SORL1: variants seen among roughly 807,000 people sequenced by gnomAD.
SORL1 encodes sortilin related receptor 1.
SORL1 carries 127 observed loss-of-function variants against 273.7 expected under a neutral mutation model. The ratio of observed to expected loss-of-function variants is 0.46; its 90% CI spans 0.40 to 0.54. SORL1 has a LOEUF of 0.54. SORL1 is among the 20% of genes least tolerant of loss of function. SORL1 has a pLI of 0.00. For synonymous variants in SORL1, 1,031 were observed against 1,067.4 expected, an observed-to-expected ratio of 0.97 and a Z score of 0.66; for missense variants, 2,494 against 2,846.1, an observed-to-expected ratio of 0.88 and a Z score of 2.81.
intron 22 of SORL1, among the ~76,000 whole-genome samples, chr11:121,568,537 T>G (rs1176360521): frequency 1.3e-5 from 2 of 152,214 alleles, no homozygotes; most frequent in African/African-American, 4.8e-5. Context: ...AATTGCTTGC[T>G]TTAAAGTAGT....
intron 31 of SORL1, among the ~76,000 whole-genome samples, chr11:121,592,605 A>T (rs987174617): frequency 2.6e-5 from 4 of 152,118 alleles, no homozygotes; most frequent in African/African-American, 9.7e-5. Flanking sequence ...TAATTATTTC[A>T]TGCGTGTTGA....
At chr11:121,620,168 C>G (rs914673789) in intron 43 of SORL1, among the ~76,000 whole-genome samples, 1 of 152,246 alleles carries the variant, frequency 6.6e-6, no homozygotes, top group African/African-American at 2.4e-5. Context: ...GCTGATATTT[C>G]CTTCCCTGAC....
At chr11:121,520,397 T>C (rs946176441) in intron 8 of SORL1, among the ~76,000 whole-genome samples, 3 of 152,214 alleles carry the variant, frequency 2.0e-5, no homozygotes, top group Admixed American at 6.5e-5. Context: ...GATAGGCCAA[T>C]TCATAAACAC....
intron 23 of SORL1, among the ~76,000 whole-genome samples, chr11:121,572,535 G>A (rs567993076): frequency 6.6e-6 from 1 of 152,364 alleles, no homozygotes; most frequent in African/African-American, 2.4e-5. Context: ...AGTCAAGAGA[G>A]AGGGGCTTAT....
intron 31 of SORL1, among the ~76,000 whole-genome samples, chr11:121,591,787 TG>T (rs1271116770): frequency 6.6e-6 from 1 of 152,242 alleles, no homozygotes; most frequent in Admixed American, 6.5e-5. Context: ...AATAATTTTT[TG>T]CATGCTTTGC....
rs911037333 is a variant in SORL1, at chr11:121,452,638, C to A, written c.285+22C>A. The stretch of plus-strand genomic sequence containing the variant: ...ACAGGTGAGCAGTTTTGCAACCCGC[C>A]TCCCTCCAGTTTTTTCCTCTCCCTG... On this transcript the variant is annotated intron_variant, in intron 1 of 47. Coordinates refer to ENST00000260197, the MANE Select transcript of SORL1 (RefSeq NM_003105.6). This position sits in a 1 kb window ranked among gnomAD's most constrained non-coding sequence, Gnocchi z 5.3. 14 of 1,437,614 alleles carry A rather than the reference C, an allele frequency of 9.7e-6. No homozygotes were observed. Among genetic ancestry groups the A allele is most frequent in the Middle Eastern group, 1.8e-4 (1 of 5,602 alleles). The allele number at this position is 1,437,614 out of a possible 1,614,324, so 89.1% of individuals were successfully genotyped here. A position where few individuals can be genotyped will look rare whatever the true frequency, so the allele number is the denominator to read the frequency against.
intron 45 of SORL1, among the ~76,000 whole-genome samples, chr11:121,624,422 G>C (rs987437135): frequency 6.6e-6 from 1 of 152,166 alleles, no homozygotes; most frequent in Admixed American, 6.5e-5. Flanking sequence ...CTGTCCCCAG[G>C]ATGGCTTTTT....
Position 121,550,169 on chromosome 11 carries a change from G to A in SORL1, c.2180+81G>A. 9.3e-6 allele frequency: 13 copies of A among 1,400,224 alleles called. No homozygotes were observed. The highest frequency in any genetic ancestry group is 1.3e-5 in the Non-Finnish European group (13 of 1,037,514). 86.7% of individuals were successfully genotyped at this position (1,400,224 alleles called of 1,614,324 possible). A position where few individuals can be genotyped will look rare whatever the true frequency, so the allele number is the denominator to read the frequency against. On this transcript the variant is annotated intron_variant, in intron 15 of 47. Coordinates refer to ENST00000260197, the MANE Select transcript of SORL1 (RefSeq NM_003105.6). The surrounding 1 kb of genome is among the most constrained non-coding windows in gnomAD (Gnocchi z 5.3). ...GAGAGCATAGAGGACCGTCTGGATTGCTCTACACTCGAAATTCTAGAATTC... is the reference window on the plus strand; with the variant it reads ...GAGAGCATAGAGGACCGTCTGGATTACTCTACACTCGAAATTCTAGAATTC...
intron 12 of SORL1, among the ~76,000 whole-genome samples, chr11:121,540,014 G>A (rs1311874359): frequency 6.6e-6 from 1 of 152,264 alleles, no homozygotes; most frequent in Middle Eastern, 3.4e-3. Flanking sequence ...GATTCATTTT[G>A]AACTTATCTT....
rs753405677 is a variant in SORL1, at chr11:121,557,317, G to C, written c.2575G>C (p.Ala859Pro). The C allele has an allele frequency of 1.9e-6, 3 of 1,613,366 alleles. No homozygotes were observed. The change falls in exon 19 of 48, where the codon GCT becomes CCT. Residue 859 changes from alanine (A) to proline (P), a missense_variant. Around this residue, in one of 3 missense-constraint regions of SORL1, gnomAD observed 1,609 missense variants for 1,816.4 expected, o/e 0.89. Coordinates refer to ENST00000260197, the MANE Select transcript of SORL1 (RefSeq NM_003105.6). ...VDAGFKKIEV[A>P]NPDGDFRLTI... ...CTTTTCCCCCTGTTTTTGTCAGGTA[G>C]CTAATCCAGATGGCGACTTCCGACT...
At chr11:121,619,968 G>T in intron 43 of SORL1, 51 bp downstream of exon 43, 1 of 1,477,768 alleles carries the variant, frequency 6.8e-7, no homozygotes, top group Non-Finnish European at 9.4e-7. Context: ...GCCTGGTTAG[G>T]GTGGGGTGGG....
intron 8 of SORL1, among the ~76,000 whole-genome samples, chr11:121,516,677 C>T (rs921837501): frequency 1.3e-5 from 2 of 152,154 alleles, no homozygotes; most frequent in African/African-American, 4.8e-5. Context: ...TGCCATGATA[C>T]ATTTTGATGC....
intron 9 of SORL1, among the ~76,000 whole-genome samples, chr11:121,522,310 G>C (rs1306330444): frequency 6.6e-6 from 1 of 152,206 alleles, no homozygotes; most frequent in Non-Finnish European, 1.5e-5. Flanking sequence ...CCATCTACTT[G>C]AGTTGACACT....
At chr11:121,557,982 G>A (rs1012156135) in intron 19 of SORL1, among the ~76,000 whole-genome samples, 1 of 152,088 alleles carries the variant, frequency 6.6e-6, no homozygotes, top group Non-Finnish European at 1.5e-5. Flanking sequence ...GTATGTACTT[G>A]GTTGACAATA....
At chr11:121,574,407 G>T (rs752991117) in intron 24 of SORL1, 44 bp downstream of exon 24, 2 of 1,591,066 alleles carry the variant, frequency 1.3e-6, no homozygotes, top group Non-Finnish European at 1.7e-6. Context: ...GGAGAGGGGG[G>T]TCATTGTGCT....
intron 4 of SORL1, among the ~76,000 whole-genome samples, chr11:121,489,588 A>G (rs1232734285): frequency 6.6e-6 from 1 of 152,194 alleles, no homozygotes; most frequent in African/African-American, 2.4e-5. Flanking sequence ...ATTCCATTGT[A>G]TGCATAGACC....
intron 14 of SORL1, 28 bp from the exon 15 acceptor site, chr11:121,549,932 C>A (rs375950776): frequency 6.2e-7 from 1 of 1,610,122 alleles, no homozygotes. Flanking sequence ...AAAACCGTGG[C>A]CTTAACAAAG....
chr11:121,629,386 C>T (rs1461026263), intron 47 of SORL1, 110 bp from the exon 48 acceptor site: 2 of 687,752 alleles, frequency 2.9e-6, no homozygotes, highest in Non-Finnish European at 5.4e-6. Context: ...TGGCATTGAC[C>T]TTCTCAGCTA....
intron 40 of SORL1, among the ~76,000 whole-genome samples, chr11:121,613,500 C>G (rs554048629): frequency 1.3e-5 from 2 of 152,126 alleles, no homozygotes; most frequent in African/African-American, 2.4e-5. Flanking sequence ...GAGTCCTTGT[C>G]ATAGCCTTAT....
Sources: gnomAD v4.1 joint callset for allele counts (sites outside exome capture counted in the v4.1 genomes callset) on GRCh38, gnomAD v4.1.1 for gene constraint, gnomAD v4.1.1 regional missense constraint, Gnocchi (gnomAD v3.1) non-coding constraint, MANE v1.5 for transcripts, NCBI Gene and HGNC (gene_info 2026-07-23, HGNC 2026-07-21) for gene names.